Variants in SPSB4 observed in about 807,000 individuals in gnomAD.
SPSB4 encodes splA/ryanodine receptor domain and SOCS box containing 4.
Under a neutral mutation model 20.9 loss-of-function variants are expected in SPSB4, and 21 were observed. The ratio of observed to expected loss-of-function variants is 1.01; its 90% CI spans 0.71 to 1.45. SPSB4 has a LOEUF of 1.45. Among genes scored for constraint, SPSB4 ranks in the 40% most tolerant of loss-of-function variants. The probability of loss-of-function intolerance (pLI) is 0.00; values close to 1 mark genes in which losing one functional copy is unlikely to be tolerated. For synonymous variants in SPSB4, 207 were observed against 183.8 expected (o/e 1.13, Z -1.02); for missense variants, 399 against 399.2 (o/e 1.00, Z 0.00).
chr3:141,147,253 A>G lies in SPSB4; in HGVS notation c.806A>G (p.Tyr269Cys). 6.2e-7 allele frequency: 1 copy of G among 1,614,202 alleles called. No individual in the cohort carries two copies. Among genetic ancestry groups the G allele is most frequent in the South Asian group, 1.1e-5 (1 of 91,086 alleles). ...CCCCTGCCTCAGTCTCTCAAAAACT[A>G]TCTGCAGTACCAGTGAGCCAAGCCT... ...SLPLPQSLKNYLQYQ is the reference protein window; with the variant it reads ...SLPLPQSLKNCLQYQ Residue 269 changes from tyrosine (Y) to cysteine (C), a missense_variant, in exon 3 of 3, where the codon TAT becomes TGT. Coordinates refer to ENST00000310546, the MANE Select transcript of SPSB4 (RefSeq NM_080862.3).
Position 141,056,837 on chromosome 3 carries a change from C to T in SPSB4, c.-154+4845C>T, listed in dbSNP as rs76090863. Among the ~76,000 whole-genome samples, 399 of 152,210 alleles carry T rather than the reference C, an allele frequency of 2.6e-3. 2 individuals are homozygous for T. Among genetic ancestry groups the T allele is most frequent in the East Asian group, 0.022 (115 of 5,176 alleles). ...GGCAGCTGTGGTGACCGGGCTGGCC[C>T]GGACTGCACGTGGCCTTGCTGTCTC... On this transcript the variant is annotated intron_variant, in intron 1 of 2. Coordinates refer to ENST00000310546, the MANE Select transcript of SPSB4 (RefSeq NM_080862.3).
intron 1 of SPSB4, among the ~76,000 whole-genome samples, chr3:141,064,288 GT>G (rs1937821815): frequency 6.6e-6 from 1 of 152,212 alleles, no homozygotes; most frequent in African/African-American, 2.4e-5. Flanking sequence ...TTATAAATGT[GT>G]TCTAGTTTGC....
intron 2 of SPSB4, among the ~76,000 whole-genome samples, chr3:141,112,120 C>T (rs1249540714): frequency 2.0e-5 from 3 of 152,244 alleles, no homozygotes; most frequent in Non-Finnish European, 4.4e-5. Context: ...GTGGGATCCC[C>T]ACTGATCACT....
At chr3:141,094,735 T>A (rs1352558268) in intron 2 of SPSB4, among the ~76,000 whole-genome samples, 1 of 152,064 alleles carries the variant, frequency 6.6e-6, no homozygotes, top group African/African-American at 2.4e-5. Context: ...GCTTATTTCT[T>A]GGCCTGAAGG....
intron 2 of SPSB4, among the ~76,000 whole-genome samples, chr3:141,141,296 C>T (rs942757104): frequency 1.3e-5 from 2 of 152,222 alleles, no homozygotes; most frequent in African/African-American, 2.4e-5. Context: ...GGCGACGCCT[C>T]GCCCTGCTTT....
chr3:141,123,871 T>G (rs1482527799), intron 2 of SPSB4, among the ~76,000 whole-genome samples: 1 of 152,204 alleles, frequency 6.6e-6, no homozygotes, highest in Admixed American at 6.5e-5. Context: ...GGCCAGCATG[T>G]CCAACCATTG....
At chr3:141,108,815 T>A (rs866421422) in intron 2 of SPSB4, among the ~76,000 whole-genome samples, 2 of 152,174 alleles carry the variant, frequency 1.3e-5, no homozygotes, top group South Asian at 4.1e-4. Context: ...ATTTAAAGAC[T>A]CAAGTATCCC....
rs60396514 is a variant in SPSB4 at position 141,112,644 on chromosome 3, CAAAAAAAAA to C, written c.695-34481_695-34473del. Among the ~76,000 whole-genome samples the C allele has an allele frequency of 4.0e-3, 133 of 32,886 alleles. 3 individuals carry two copies. Among genetic ancestry groups the C allele is most frequent in the African/African-American group, 0.014 (118 of 8,670 alleles). The allele number at this position is 32,886 out of a possible 152,430, so 21.6% of individuals were successfully genotyped here. A position where few individuals can be genotyped will look rare whatever the true frequency, so the allele number is the denominator to read the frequency against. ...TGGGCGACAGAGCGAGACTCCGTCT[CAAAAAAAAA>C]AAAAAAAAAAAAAAAAGACAGAAGG... is the stretch of plus-strand genomic sequence containing the variant. On this transcript the variant is annotated intron_variant, in intron 2 of 2. Coordinates refer to ENST00000310546, the MANE Select transcript of SPSB4 (RefSeq NM_080862.3).
intron 2 of SPSB4, among the ~76,000 whole-genome samples, chr3:141,097,825 A>G (rs1576529947): frequency 6.6e-6 from 1 of 152,328 alleles, no homozygotes; most frequent in East Asian, 1.9e-4. Flanking sequence ...ATAATTTTAA[A>G]AGAAAGTGTA....
At chr3:141,056,317 C>T (rs1338741887) in intron 1 of SPSB4, among the ~76,000 whole-genome samples, 1 of 152,196 alleles carries the variant, frequency 6.6e-6, no homozygotes, top group Non-Finnish European at 1.5e-5. Flanking sequence ...CTTCAGGAGA[C>T]ATCTACCTGT....
At chr3:141,121,602 T>C (rs991460391) in intron 2 of SPSB4, among the ~76,000 whole-genome samples, 1 of 152,220 alleles carries the variant, frequency 6.6e-6, no homozygotes, top group Non-Finnish European at 1.5e-5. Flanking sequence ...TTGGAGGCTT[T>C]GTTCATTTCT....
chr3:141,123,192 C>T (rs1938996564), intron 2 of SPSB4, among the ~76,000 whole-genome samples: 1 of 152,140 alleles, frequency 6.6e-6, no homozygotes, highest in Non-Finnish European at 1.5e-5. Flanking sequence ...CATGCATAGC[C>T]CTCTTTAATT....
At position 141,066,293 on chromosome 3, in the gene SPSB4, C is replaced by A; in HGVS notation, c.189C>A (p.Leu63=). The change falls in exon 2 of 3, where the codon CTC becomes CTA. Residue 63 remains leucine, a synonymous_variant. Transcript: ENST00000310546. ...RHAWNPEDRS[L]NVFVKDDDRL... is the part of the protein sequence containing the mutation. ...CGTGGAACCCCGAGGACCGCTCGCT[C>A]AACGTCTTCGTCAAGGACGACGACC... 2 of 1,571,070 alleles carry A rather than the reference C, an allele frequency of 1.3e-6. No homozygotes were observed. Among genetic ancestry groups the A allele is most frequent in the Non-Finnish European group, 1.7e-6 (2 of 1,159,872 alleles).
intron 2 of SPSB4, among the ~76,000 whole-genome samples, chr3:141,100,713 C>A (rs1375089251): frequency 6.6e-6 from 1 of 152,188 alleles, no homozygotes; most frequent in Non-Finnish European, 1.5e-5. Flanking sequence ...TGAGGAATGA[C>A]TTGTCATGGT....
rs749742694 is a variant in SPSB4, at chr3:141,066,324, A to C, written c.220A>C (p.Thr74Pro). 6.4e-7 allele frequency: 1 copy of C among 1,570,998 alleles called. No homozygotes were observed. Among genetic ancestry groups the C allele is most frequent in the Admixed American group, 1.8e-5 (1 of 54,298 alleles). Residue 74 changes from threonine to proline, a missense_variant, in exon 2 of 3, where the codon ACC becomes CCC. Physicochemically the swap from Thr to Pro is conservative, Grantham distance 38. Coordinates refer to ENST00000310546, the MANE Select transcript of SPSB4 (RefSeq NM_080862.3). ...NVFVKDDDRL[T>P]FHRHPVAQST... ...CTTCGTCAAGGACGACGACCGGCTC[A>C]CCTTCCACCGGCACCCCGTGGCCCA... is the stretch of plus-strand genomic sequence containing the variant.
intron 2 of SPSB4, among the ~76,000 whole-genome samples, chr3:141,124,776 C>T (rs145809598): frequency 3.8e-3 from 582 of 152,236 alleles, no homozygotes; most frequent in Non-Finnish European, 7.0e-3. Flanking sequence ...GGGCAGGGAA[C>T]TTGGTTTCAC....
At chr3:141,109,329 C>T (rs1427909828) in intron 2 of SPSB4, among the ~76,000 whole-genome samples, 1 of 152,028 alleles carries the variant, frequency 6.6e-6, no homozygotes, top group Non-Finnish European at 1.5e-5. Context: ...GGTGGGAGCT[C>T]AGTTGTTAGT....
intron 2 of SPSB4, among the ~76,000 whole-genome samples, chr3:141,081,557 A>T (rs1938230895): frequency 6.7e-6 from 1 of 150,196 alleles, no homozygotes; most frequent in Non-Finnish European, 1.5e-5. Flanking sequence ...CGAATGTCAA[A>T]GGTCTTTGGT....
At chr3:141,102,095 C>T (rs1360764039) in intron 2 of SPSB4, among the ~76,000 whole-genome samples, 4 of 152,124 alleles carry the variant, frequency 2.6e-5, no homozygotes, top group Admixed American at 6.5e-5. Context: ...TCATCTAAGA[C>T]TAGGAATTAC....
Sources: gnomAD v4.1 joint callset for allele counts (sites outside exome capture counted in the v4.1 genomes callset) on GRCh38, gnomAD v4.1.1 for gene constraint, MANE v1.5 for transcripts, NCBI Gene and HGNC (gene_info 2026-07-23, HGNC 2026-07-21) for gene names.